The following ARHGEF28 variants were observed in gnomAD, a reference collection of about 807,000 sequenced individuals.
ARHGEF28 encodes 190 kDa guanine nucleotide exchange factor.
ARHGEF28 carries 152 observed loss-of-function variants against 206.6 expected under a neutral mutation model. The observed-to-expected ratio is 0.74, with a 90% CI of 0.64 to 0.84. The LOEUF (loss-of-function observed/expected upper bound fraction) is 0.84, where lower values mean the gene tolerates loss of function less well. ARHGEF28 is among the 40% of genes least tolerant of loss of function. The probability of loss-of-function intolerance (pLI) is 0.00; values close to 1 mark genes in which losing one functional copy is unlikely to be tolerated. For synonymous variants in ARHGEF28, 763 were observed against 776.4 expected (o/e 0.98, Z 0.29); for missense variants, 2,028 against 2,073.2 (o/e 0.98, Z 0.42).
chr5:73,761,397 A>G (rs886123614), intron 4 of ARHGEF28, among the ~76,000 whole-genome samples: 2 of 152,178 alleles, frequency 1.3e-5, no homozygotes, highest in African/African-American at 4.8e-5. Flanking sequence ...AAAACTACCA[A>G]TGTTTGGAGG....
chr5:73,794,603 T>C, intron 8 of ARHGEF28, 149 bp downstream of exon 8: 1 of 721,232 alleles, frequency 1.4e-6, no homozygotes, highest in Non-Finnish European at 2.2e-6. Context: ...GTTTTCTTTT[T>C]CTTTCTTTTT....
intron 3 of ARHGEF28, among the ~76,000 whole-genome samples, chr5:73,750,676 G>A (rs535786506): frequency 2.5e-3 from 383 of 152,236 alleles, no homozygotes; most frequent in Middle Eastern, 0.01. Flanking sequence ...TATGTGGGTT[G>A]TGCATTTAAG....
intron 1 of ARHGEF28, among the ~76,000 whole-genome samples, chr5:73,650,922 C>T (rs1269447731): frequency 6.6e-6 from 1 of 152,160 alleles, no homozygotes; most frequent in Non-Finnish European, 1.5e-5. Context: ...GTTATAAATA[C>T]CTTCTGATGT....
At chr5:73,811,923 C>CA (rs1349703439) in intron 9 of ARHGEF28, among the ~76,000 whole-genome samples, 4 of 143,920 alleles carry the variant, frequency 2.8e-5, no homozygotes, top group African/African-American at 1.0e-4. Flanking sequence ...GCAGAGGTTG[C>CA]AATGAGCCGA....
At chr5:73,886,211 C>T (rs902424686) in intron 25 of ARHGEF28, 107 bp downstream of exon 25, 2 of 1,371,806 alleles carry the variant, frequency 1.5e-6, no homozygotes, top group African/African-American at 1.5e-5. Flanking sequence ...CACACATGCG[C>T]AAACCCTGGG....
intron 6 of ARHGEF28, among the ~76,000 whole-genome samples, chr5:73,777,828 T>A (rs1215932994): frequency 6.6e-6 from 1 of 152,090 alleles, no homozygotes; most frequent in Non-Finnish European, 1.5e-5. Context: ...ATCCTGGCAC[T>A]TTGGCACTTT....
chr5:73,860,557 C>T (rs996461611), intron 16 of ARHGEF28, among the ~76,000 whole-genome samples: 6 of 152,154 alleles, frequency 3.9e-5, no homozygotes, highest in Non-Finnish European at 8.8e-5. Flanking sequence ...TCTTGTCCCT[C>T]CTGTCAATGT....
At chr5:73,892,022 T>C (rs1227492019) in intron 26 of ARHGEF28, 30 bp from the exon 27 acceptor site, 2 of 1,576,588 alleles carry the variant, frequency 1.3e-6, no homozygotes, top group African/African-American at 1.3e-5. Context: ...AGGATGCTGT[T>C]TCATCTGCTC....
At chr5:73,811,553 CT>C (rs1333063642) in intron 9 of ARHGEF28, among the ~76,000 whole-genome samples, 2 of 152,190 alleles carry the variant, frequency 1.3e-5, no homozygotes, top group Non-Finnish European at 2.9e-5. Context: ...TGTAAATGCT[CT>C]TCCACAAGAT....
At chr5:73,842,180 CT>C (rs1490922985) in intron 11 of ARHGEF28, among the ~76,000 whole-genome samples, 1 of 152,078 alleles carries the variant, frequency 6.6e-6, no homozygotes, top group African/African-American at 2.4e-5. Flanking sequence ...TAGGGAGTAG[CT>C]TTTTTTTCCC....
rs115692068 is a variant in ARHGEF28, at chr5:73,663,898, C to T, written c.-11-20943C>T. On this transcript the variant is annotated intron_variant, in intron 1 of 35. Transcript: ENST00000513042. ...CTCAGCATATGTAGTTACGTTTGTG[C>T]AAGTTACAGGAGCCCTAGGGTAGAG... Among the ~76,000 whole-genome samples, 905 of 152,296 alleles carry T rather than the reference C, an allele frequency of 5.9e-3. 10 individuals are homozygous for T. Among genetic ancestry groups the T allele is most frequent in the African/African-American group, 0.02 (847 of 41,564 alleles).
At chr5:73,891,956 T>C in intron 26 of ARHGEF28, 96 bp from the exon 27 acceptor site, 2 of 1,126,100 alleles carry the variant, frequency 1.8e-6, no homozygotes, top group Non-Finnish European at 2.5e-6. Context: ...TGGAGAAAGG[T>C]TTACCTAGTA....
intron 13 of ARHGEF28, among the ~76,000 whole-genome samples, chr5:73,850,574 A>G (rs1758637727): frequency 6.6e-6 from 1 of 152,098 alleles, no homozygotes; most frequent in African/African-American, 2.4e-5. Flanking sequence ...AAACATGTTT[A>G]AGTTTTCTGT....
intron 1 of ARHGEF28, among the ~76,000 whole-genome samples, chr5:73,666,928 A>G (rs1745993246): frequency 6.6e-6 from 1 of 152,224 alleles, no homozygotes; most frequent in Non-Finnish European, 1.5e-5. Context: ...CAGCCTTAGC[A>G]TAATCCAAGG....
At chr5:73,714,518 A>G (rs1208002195) in intron 2 of ARHGEF28, among the ~76,000 whole-genome samples, 3 of 152,168 alleles carry the variant, frequency 2.0e-5, no homozygotes, top group Admixed American at 6.5e-5. Context: ...GTCAAAGGAG[A>G]GAGCAAGCAC....
chr5:73,909,914 G>A lies in ARHGEF28; in HGVS notation c.4647+17G>A. 6.7e-7 allele frequency: 1 copy of A among 1,486,778 alleles called. No homozygotes were observed. The allele number at this position is 1,486,778 out of a possible 1,614,324, so 92.1% of individuals were successfully genotyped here. A position where few individuals can be genotyped will look rare whatever the true frequency, so the allele number is the denominator to read the frequency against. The stretch of plus-strand genomic sequence containing the variant: ...GGCCCCGAGGTATGGACCTTCTGCG[G>A]TGCTGTGAGGCAGCCTCTCAAAGAC... On this transcript the variant is annotated intron_variant, in intron 34 of 35. Coordinates refer to ENST00000513042, the MANE Select transcript of ARHGEF28 (RefSeq NM_001177693.2).
At chr5:73,774,341 A>G (rs1753419884) in intron 5 of ARHGEF28, among the ~76,000 whole-genome samples, 1 of 152,216 alleles carries the variant, frequency 6.6e-6, no homozygotes, top group Non-Finnish European at 1.5e-5. Flanking sequence ...ATTCTCTTTG[A>G]TGATTATGAT....
chr5:73,632,776 C>A (rs1468904448), intron 1 of ARHGEF28, among the ~76,000 whole-genome samples: 1 of 152,080 alleles, frequency 6.6e-6, no homozygotes, highest in Non-Finnish European at 1.5e-5. Context: ...AAGTATAGTT[C>A]TTCCAGATGC....
chr5:73,662,153 A>G (rs900584925), intron 1 of ARHGEF28, among the ~76,000 whole-genome samples: 5 of 152,230 alleles, frequency 3.3e-5, no homozygotes, highest in African/African-American at 1.2e-4. Context: ...AGTTCAGTTC[A>G]TGACATGTGA....
Sources: allele counts gnomAD v4.1 joint callset (sites outside exome capture counted in the v4.1 genomes callset), GRCh38; gene constraint gnomAD v4.1.1; transcripts MANE v1.5; gene names NCBI Gene and HGNC (gene_info 2026-07-23, HGNC 2026-07-21).